The following BICD1 variants were observed in gnomAD, a reference collection of about 807,000 sequenced individuals.
BICD1 encodes the protein protein bicaudal D homolog 1.
A neutral mutation model predicts 92.5 loss-of-function variants in BICD1; 35 were observed. That is an observed-to-expected ratio of 0.38 (90% CI 0.29 to 0.50). The LOEUF (loss-of-function observed/expected upper bound fraction) is 0.50. BICD1 is among the 20% of genes least tolerant of loss of function. The probability of loss-of-function intolerance (pLI) is 0.93; values close to 1 mark genes in which losing one functional copy is unlikely to be tolerated. For missense variants in BICD1, 950 were observed against 1,189.8 expected (o/e 0.80, Z 2.97); for synonymous variants, 429 against 465.1 (o/e 0.92, Z 1.00).
At position 32,179,872 on chromosome 12, in the gene BICD1, C is replaced by T. The variant is rs563131979; in HGVS notation, c.214-36375C>T. On this transcript the variant is annotated intron_variant, in intron 1 of 9. Transcript: ENST00000652176. ...GGGCATGGTGGTAGGCACCTGTAAT[C>T]CCAGCTACTCAGGAGGCTGAGGCAG... Among the ~76,000 whole-genome samples, 20 of 151,512 alleles carry T rather than the reference C, an allele frequency of 1.3e-4. 1 individual carries two copies. Among genetic ancestry groups the T allele is most frequent in the African/African-American group, 3.9e-4 (16 of 41,406 alleles).
intron 2 of BICD1, among the ~76,000 whole-genome samples, chr12:32,270,043 C>T (rs1947096288): frequency 6.6e-6 from 1 of 151,044 alleles, no homozygotes; most frequent in Non-Finnish European, 1.5e-5. Context: ...AATTGCTGAA[C>T]CCAGGAGGCG....
chr12:32,343,898 A>G (rs1938474012), intron 8 of BICD1, among the ~76,000 whole-genome samples: 1 of 152,254 alleles, frequency 6.6e-6, no homozygotes, highest in South Asian at 2.1e-4. Context: ...ACTGCATTCA[A>G]GCAAGTAGAT....
chr12:32,354,556 T>C (rs929741820), intron 8 of BICD1, among the ~76,000 whole-genome samples: 1 of 152,198 alleles, frequency 6.6e-6, no homozygotes, highest in Admixed American at 6.6e-5. Flanking sequence ...ATGTCTGAAG[T>C]GTTTGGTGAT....
At chr12:32,310,742 T>C (rs1948349450) in intron 4 of BICD1, among the ~76,000 whole-genome samples, 1 of 152,196 alleles carries the variant, frequency 6.6e-6, no homozygotes, top group Non-Finnish European at 1.5e-5. Flanking sequence ...ACCACAAACA[T>C]GATAAGTATG....
intron 4 of BICD1, 151 bp from the exon 5 acceptor site, chr12:32,327,310 A>T: frequency 1.0e-6 from 1 of 966,540 alleles, no homozygotes; most frequent in Non-Finnish European, 1.5e-6. Context: ...AGAACTGCTG[A>T]AATAAAAAAC....
intron 2 of BICD1, among the ~76,000 whole-genome samples, chr12:32,281,912 C>T (rs764311714): frequency 5.9e-5 from 9 of 152,032 alleles, no homozygotes; most frequent in African/African-American, 1.2e-4. Context: ...GTGGTTAAAC[C>T]GTTACTGACA....
At chr12:32,340,273 G>A (rs1365137835) in intron 8 of BICD1, 2 of 985,234 alleles carry the variant, frequency 2.0e-6, no homozygotes, top group African/African-American at 3.5e-5. Context: ...TAATGAGTTG[G>A]AATGGTGTAA....
chr12:32,260,460 A>C (rs1176500358), intron 2 of BICD1, among the ~76,000 whole-genome samples: 2 of 152,128 alleles, frequency 1.3e-5, no homozygotes, highest in Non-Finnish European at 2.9e-5. Context: ...AGCTCACAAT[A>C]AACAATACAT....
intron 1 of BICD1, among the ~76,000 whole-genome samples, chr12:32,121,295 AATTAATGTTGGC>A: frequency 6.6e-6 from 1 of 152,010 alleles, no homozygotes; most frequent in East Asian, 1.9e-4. Context: ...ACCAGATCTT[AATTAATGTTGGC>A]ATTAAAAACT....
rs1943658324 is a variant in BICD1, at chr12:32,163,433, A to G, written c.214-52814A>G. Among the ~76,000 whole-genome samples, 7 of 152,302 alleles carry G rather than the reference A, an allele frequency of 4.6e-5. No individual in the cohort carries two copies. The South Asian group carries it at 1.4e-3, about 32-fold the overall frequency. ...AAACAAGTGTATAGAGAATAACATT[A>G]AATCACCTATAATCCCACTCTACAG... On this transcript the variant is annotated intron_variant, in intron 1 of 9. Coordinates refer to ENST00000652176, the MANE Select transcript of BICD1 (RefSeq NM_001714.4).
At chr12:32,311,206 A>G (rs990040501) in intron 4 of BICD1, among the ~76,000 whole-genome samples, 20 of 152,298 alleles carry the variant, frequency 1.3e-4, no homozygotes, top group Non-Finnish European at 2.5e-4. Flanking sequence ...TACATTTAAG[A>G]AATACATTGG....
intron 1 of BICD1, among the ~76,000 whole-genome samples, chr12:32,130,650 T>C (rs377741395): frequency 1.3e-5 from 2 of 152,128 alleles, no homozygotes; most frequent in South Asian, 4.1e-4. Context: ...CCATAGGTGA[T>C]TGTATGTCAG....
chr12:32,138,945 C>T (rs2630565), intron 1 of BICD1, among the ~76,000 whole-genome samples: 84,806 of 151,958 alleles, frequency 0.56, 23,934 homozygotes, highest in Admixed American at 0.65. Context: ...TACATTCTTA[C>T]ATAAGATTGA....
intron 1 of BICD1, among the ~76,000 whole-genome samples, chr12:32,134,316 G>A (rs1195361857): frequency 6.6e-6 from 1 of 152,146 alleles, no homozygotes; most frequent in Non-Finnish European, 1.5e-5. Flanking sequence ...GGCCAGGGAG[G>A]CAAGTGTGCT....
In BICD1 at chr12:32,146,017, A is replaced by G. The variant is rs115855156; in HGVS notation, c.213+38473A>G. 4.4e-3 allele frequency among the ~76,000 whole-genome samples: 670 copies of G among 152,320 alleles called. 3 individuals carry two copies. The highest frequency in any genetic ancestry group is 0.015 in the African/African-American group (635 of 41,570). The stretch of plus-strand genomic sequence containing the variant: ...GATGGGTCCAGCTCTTATAGAACTT[A>G]GAGTTGAGTGGGAAAAACAGAATTA... On this transcript the variant is annotated intron_variant, in intron 1 of 9. Coordinates refer to ENST00000652176, the MANE Select transcript of BICD1 (RefSeq NM_001714.4).
intron 2 of BICD1, among the ~76,000 whole-genome samples, chr12:32,291,630 G>A (rs942939520): frequency 6.6e-6 from 1 of 151,956 alleles, no homozygotes; most frequent in Admixed American, 6.6e-5. Flanking sequence ...TTGCCTTCAC[G>A]AGTTTGAGAC....
chr12:32,263,882 G>A (rs1946923640), intron 2 of BICD1, among the ~76,000 whole-genome samples: 1 of 152,182 alleles, frequency 6.6e-6, no homozygotes, highest in South Asian at 2.1e-4. Flanking sequence ...CTTTGCATGG[G>A]TAGGGCCTCC....
intron 1 of BICD1, among the ~76,000 whole-genome samples, chr12:32,186,272 C>A (rs1407521173): frequency 6.6e-6 from 1 of 152,106 alleles, no homozygotes. Context: ...ATACAACATA[C>A]CCCTAAAACA....
intron 4 of BICD1, among the ~76,000 whole-genome samples, chr12:32,325,934 T>A (rs1948766302): frequency 6.6e-6 from 1 of 151,672 alleles, no homozygotes; most frequent in Non-Finnish European, 1.5e-5. Context: ...TACAAAAAAA[T>A]TAGCTGGGCG....
Sources: gnomAD v4.1 joint callset for allele counts (sites outside exome capture counted in the v4.1 genomes callset) on GRCh38, gnomAD v4.1.1 for gene constraint, MANE v1.5 for transcripts, NCBI Gene and HGNC (gene_info 2026-07-23, HGNC 2026-07-21) for gene names.